The following LAMA4 variants were observed in gnomAD, a reference collection of about 807,000 sequenced individuals.
The protein encoded by LAMA4 is laminin subunit alpha 4.
In LAMA4, 127 loss-of-function variants were observed where a neutral mutation model predicts 207.1. The ratio of observed to expected loss-of-function variants is 0.61; its 90% confidence interval spans 0.53 to 0.71. LAMA4 has a LOEUF of 0.71. Among genes scored for constraint, LAMA4 ranks in the 30% least tolerant of loss-of-function variants. The probability of loss-of-function intolerance (pLI) is 0.00; values close to 1 mark genes in which losing one functional copy is unlikely to be tolerated. For synonymous variants in LAMA4, 761 were observed against 816.0 expected (o/e 0.93, Z 1.15); for missense variants, 2,093 against 2,246.5 (o/e 0.93, Z 1.38).
intron 18 of LAMA4, among the ~76,000 whole-genome samples, chr6:112,147,768 A>G (rs1780118379): frequency 6.6e-6 from 1 of 152,254 alleles, no homozygotes; most frequent in African/African-American, 2.4e-5. Flanking sequence ...GTTGCCTAGT[A>G]GAAGCAATGC....
chr6:112,141,410 A>G lies in LAMA4; in HGVS notation c.2761T>C (p.Ser921Pro). Residue 921 changes from serine to proline, a missense_variant, in exon 21 of 39, where the codon TCC (serine) becomes CCC (proline). By Grantham distance (74) the Ser-to-Pro change is moderately conservative (BLOSUM62 -1). This residue lies in a region of LAMA4 where 1,704 missense variants were observed against 1,788.4 expected (regional missense o/e 0.95). Coordinates refer to ENST00000230538, the MANE Select transcript of LAMA4 (RefSeq NM_001105206.3). ...GTKDVEIPLD[S>P]KPVSSWPAYF... ...GCAGGCCAGGAACTGACGGGCTTGG[A>G]GTCCAGGGGAATCTCCACATCTTTA... 1 of 1,614,058 alleles carries G rather than the reference A, an allele frequency of 6.2e-7. No individual in the cohort carries two copies.
chr6:112,108,579 A>G lies in LAMA4; in HGVS notation c.*858T>C, dbSNP rs1779536491. Among the ~76,000 whole-genome samples, 1 of 152,114 alleles carries G rather than the reference A, an allele frequency of 6.6e-6. No individual in the cohort carries two copies. Among genetic ancestry groups the G allele is most frequent in the Admixed American group, 6.5e-5 (1 of 15,276 alleles). On this transcript the variant is annotated 3_prime_UTR_variant, in exon 39 of 39. Transcript: ENST00000230538. ...GGACTACAGGTGTATGCCCATGTAC[A>G]AATTTTTTTGCAGAGATGGGATCTC... is the stretch of plus-strand genomic sequence containing the variant.
At chr6:112,120,236 C>T (rs373087956) in intron 33 of LAMA4, 47 bp downstream of exon 33, 1 of 1,467,822 alleles carries the variant, frequency 6.8e-7, no homozygotes, top group Non-Finnish European at 9.5e-7. Flanking sequence ...GTCCATTTGA[C>T]AATGGTAGCT....
In LAMA4 at chr6:112,216,416, G is replaced by A; in HGVS notation, c.249C>T (p.Asp83=). ...HTLSGECVPC[D]CNGNSNECLD... The stretch of plus-strand genomic sequence containing the variant: ...AACACTCGTTGGAATTGCCATTACA[G>A]TCGCAGGGCACACATTCTCCCGACA... The change falls in exon 3 of 39, where the codon GAC becomes GAT. Residue 83 remains aspartate, a synonymous_variant. Transcript: ENST00000230538. 6.2e-7 allele frequency: 1 copy of A among 1,614,086 alleles called. No individual in the cohort carries two copies. The highest frequency in any genetic ancestry group is 8.5e-7 in the Non-Finnish European group (1 of 1,179,928).
chr6:112,155,077 G>A, intron 15 of LAMA4, 130 bp from the exon 16 acceptor site: 1 of 736,934 alleles, frequency 1.4e-6, no homozygotes, highest in East Asian at 2.6e-5. Flanking sequence ...TATTTTCACA[G>A]CTTAAAATTA....
chr6:112,228,866 CT>C (rs1238031991), intron 2 of LAMA4, among the ~76,000 whole-genome samples: 1 of 152,166 alleles, frequency 6.6e-6, no homozygotes, highest in Non-Finnish European at 1.5e-5. Flanking sequence ...GATTCTGGAT[CT>C]GGGGGGACAG....
Position 112,131,109 on chromosome 6 carries a change from G to A in LAMA4, c.3835-8C>T. On this transcript the variant is annotated splice_polypyrimidine_tract_variant and splice_region_variant and intron_variant, in intron 28 of 38. Transcript: ENST00000230538. The stretch of plus-strand genomic sequence containing the variant: ...GATGGAGAACACGTCTGACTGAAAT[G>A]CAAGCACAGGCATGTAAGTAGGGAG... The A allele has an allele frequency of 6.2e-7, 1 of 1,612,492 alleles. No homozygotes were observed.
chr6:112,150,055 T>C (rs1780287476), intron 17 of LAMA4, among the ~76,000 whole-genome samples: 1 of 152,156 alleles, frequency 6.6e-6, no homozygotes, highest in South Asian at 2.1e-4. Flanking sequence ...GCTTATATGG[T>C]AAGAATGACT....
chr6:112,163,147 A>C (rs1283629651), intron 13 of LAMA4, among the ~76,000 whole-genome samples: 3 of 108,950 alleles, frequency 2.8e-5, no homozygotes, highest in South Asian at 5.9e-4. Context: ...ATTTAAAAAA[A>C]AATTTTCTTT....
chr6:112,201,059 G>A (rs1255896612), intron 5 of LAMA4, among the ~76,000 whole-genome samples: 1 of 151,324 alleles, frequency 6.6e-6, no homozygotes, highest in East Asian at 1.9e-4. Flanking sequence ...AAAAAGAAAA[G>A]AGTGTCATAT....
At chr6:112,243,411 G>T (rs190218760) in intron 2 of LAMA4, among the ~76,000 whole-genome samples, 5 of 152,272 alleles carry the variant, frequency 3.3e-5, no homozygotes, top group Admixed American at 2.6e-4. Context: ...TTTAACTGGC[G>T]TAAATTTTAA....
chr6:112,170,180 TAC>T (rs2114854268), intron 12 of LAMA4, among the ~76,000 whole-genome samples: 1 of 152,330 alleles, frequency 6.6e-6, no homozygotes, highest in South Asian at 2.1e-4. Flanking sequence ...GAGAACCAAA[TAC>T]AGTTTATCAT....
chr6:112,151,833 A>G (rs1416773070), intron 16 of LAMA4, among the ~76,000 whole-genome samples: 1 of 152,110 alleles, frequency 6.6e-6, no homozygotes. Context: ...CAGTTTGCCG[A>G]AAGTCTTTTT....
chr6:112,145,085 C>T, intron 18 of LAMA4, 152 bp from the exon 19 acceptor site: 3 of 820,012 alleles, frequency 3.7e-6, no homozygotes, highest in East Asian at 2.7e-5. Context: ...GTAAGGTACA[C>T]AGATGTGCTT....
intron 38 of LAMA4, 108 bp downstream of exon 38, chr6:112,113,967 CT>C: frequency 7.8e-7 from 1 of 1,279,896 alleles, no homozygotes; most frequent in Non-Finnish European, 1.1e-6. Context: ...ATATAAAATC[CT>C]TTGAGTAACT....
upstream of LAMA4, chr6:112,254,820 G>C (rs1267258105): frequency 6.6e-6 from 1 of 152,486 alleles, no homozygotes; most frequent in Non-Finnish European, 1.5e-5. Context: ...TAGTTTGCAG[G>C]AAAGTGGGTG....
Position 112,119,203 on chromosome 6 carries a change from T to A in LAMA4, c.4774A>T (p.Ile1592Phe). Residue 1592 changes from isoleucine (I) to phenylalanine (F), a missense_variant, in exon 34 of 39, where the codon ATT becomes TTT. By Grantham distance (21) the Ile-to-Phe change is conservative. Around this residue, in one of 3 missense-constraint regions of LAMA4, gnomAD observed 383 missense variants for 437.8 expected, o/e 0.87. Coordinates refer to ENST00000230538, the MANE Select transcript of LAMA4 (RefSeq NM_001105206.3). ...CCAGGAGCCACACCTCCCAAATAAA[T>A]GGGACCCTTGATTTTCCAGGTAGCT... ...TEATWKIKGP[I>F]YLGGVAPGKA... The A allele has an allele frequency of 6.2e-7, 1 of 1,614,052 alleles. No homozygotes were observed. The highest frequency in any genetic ancestry group is 8.5e-7 in the Non-Finnish European group (1 of 1,179,958).
At chr6:112,184,778 G>T (rs1554346174) in intron 9 of LAMA4, among the ~76,000 whole-genome samples, 2 of 152,040 alleles carry the variant, frequency 1.3e-5, no homozygotes, top group Non-Finnish European at 2.9e-5. Flanking sequence ...GTTGAAAGTG[G>T]TTTTTTCCCT....
intron 2 of LAMA4, among the ~76,000 whole-genome samples, chr6:112,226,413 C>T (rs781835713): frequency 8.5e-5 from 13 of 152,236 alleles, no homozygotes; most frequent in Non-Finnish European, 1.5e-4. Context: ...CTTGCCTTTG[C>T]ATATACTATT....
Sources: gnomAD v4.1 joint callset for allele counts (sites outside exome capture counted in the v4.1 genomes callset) on GRCh38, gnomAD v4.1.1 for gene constraint, gnomAD v4.1.1 regional missense constraint, MANE v1.5 for transcripts, NCBI Gene and HGNC (gene_info 2026-07-23, HGNC 2026-07-21) for gene names.